The following PUM1 variants were observed in gnomAD, a reference collection of about 807,000 sequenced individuals.
PUM1 encodes pumilio homolog 1.
In PUM1, 13 loss-of-function variants were observed where a neutral mutation model predicts 131.8. The observed-to-expected ratio is 0.10, with a 90% confidence interval of 0.06 to 0.16. The LOEUF is 0.16. PUM1 is among the 10% of genes least tolerant of loss of function. The pLI is 1.00. For synonymous variants in PUM1, 509 were observed against 556.5 expected (o/e 0.91, Z 1.20); for missense variants, 961 against 1,512.4 (o/e 0.64, Z 6.05).
chr1:30,961,346 CA>C (rs11325891), intron 14 of PUM1, among the ~76,000 whole-genome samples: 27,617 of 87,976 alleles, frequency 0.31, 2,774 homozygotes, highest in East Asian at 0.57. Context: ...TTAGTTTCTA[CA>C]AAAAAAAAAA....
chr1:30,956,743 A>G (rs1640181335), intron 14 of PUM1, among the ~76,000 whole-genome samples: 1 of 152,202 alleles, frequency 6.6e-6, no homozygotes, highest in South Asian at 2.1e-4. Context: ...AAAACAATTT[A>G]AAGGGATTTT....
rs750313547 is a variant in PUM1 at position 30,966,305 on chromosome 1, G to C, written c.1790-27C>G. 5.8e-6 allele frequency: 9 copies of C among 1,542,912 alleles called. No individual in the cohort carries two copies. In the African/African-American group the frequency reaches 1.2e-4, roughly 21 times the overall value. On this transcript the variant is annotated intron_variant, in intron 12 of 21. Coordinates refer to ENST00000426105, the MANE Select transcript of PUM1 (RefSeq NM_001020658.2). ...TATGAAGAAGAAAGCAAACCGTTTG[G>C]CTATGAAAGGGACTGGCCACATTTC...
chr1:30,993,159 G>A (rs989036505), intron 6 of PUM1, among the ~76,000 whole-genome samples: 1 of 151,984 alleles, frequency 6.6e-6, no homozygotes, highest in East Asian at 1.9e-4. Flanking sequence ...ACATGTCGTT[G>A]GTATTACTGA....
intron 6 of PUM1, among the ~76,000 whole-genome samples, chr1:30,993,702 T>C (rs1032216691): frequency 6.6e-6 from 1 of 152,086 alleles, no homozygotes; most frequent in African/African-American, 2.4e-5. Flanking sequence ...ATATTCAAGG[T>C]GGAGAGGACA....
Position 30,969,291 on chromosome 1 carries a change from A to G in PUM1, c.1507-799T>C, listed in dbSNP as rs1204531879. ...TTCGCTCCAGCCTGGGAAAAAGAGC[A>G]AAACTCCATTTCAAAACACACACAC... On this transcript the variant is annotated intron_variant, in intron 10 of 21. Coordinates refer to ENST00000426105, the MANE Select transcript of PUM1 (RefSeq NM_001020658.2). 4.0e-5 allele frequency among the ~76,000 whole-genome samples: 6 copies of G among 149,856 alleles called. No individual in the cohort carries two copies. The East Asian group carries it at 1.2e-3, about 29-fold the overall frequency.
rs1181428947 is a variant in PUM1 at position 30,981,678 on chromosome 1, T to TCACACA, written c.1159-274_1159-273insTGTGTG. ...TCCCCTGAACCACAAATACACACTC[T>TCACACA]CTCACACACACACACACACATATGA... On this transcript the variant is annotated intron_variant, in intron 7 of 21. Coordinates refer to ENST00000426105, the MANE Select transcript of PUM1 (RefSeq NM_001020658.2). 1.7e-3 allele frequency among the ~76,000 whole-genome samples: 110 copies of TCACACA among 63,624 alleles called. 3 individuals carry two copies. The South Asian group carries it at 0.073, about 42-fold the overall frequency. The allele number at this position is 63,624 out of a possible 152,430, so 41.7% of individuals were successfully genotyped here.
In PUM1 at chr1:31,058,214, T is replaced by C. The variant is rs1644289919; in HGVS notation, c.363+990A>G. ...ACTTGAGCAGCTGATGTTATCAACT[T>C]CCCCCTACTTTCAACTACAACATCT... On this transcript the variant is annotated intron_variant, in intron 2 of 21. Coordinates refer to ENST00000426105, the MANE Select transcript of PUM1 (RefSeq NM_001020658.2). Among the ~76,000 whole-genome samples, 3 of 152,060 alleles carry C rather than the reference T, an allele frequency of 2.0e-5. No individual in the cohort carries two copies. The South Asian group carries it at 6.2e-4, about 31-fold the overall frequency.
At chr1:31,063,783 TATGCCCTAAGACTTCCTGC>T (rs1644418834) in intron 1 of PUM1, among the ~76,000 whole-genome samples, 1 of 152,180 alleles carries the variant, frequency 6.6e-6, no homozygotes, top group Admixed American at 6.6e-5. Flanking sequence ...AAGCTATCTG[TATGCCCTAAGACTTCCTGC>T]TTTACCTAAA....
Position 30,981,329 on chromosome 1 carries a change from G to A in PUM1, c.1235C>T (p.Ala412Val). The A allele has an allele frequency of 6.3e-7, 1 of 1,597,486 alleles. No individual in the cohort carries two copies. The highest frequency in any genetic ancestry group is 8.6e-7 in the Non-Finnish European group (1 of 1,169,310). The change falls in exon 8 of 22, where the codon GCT becomes GTT. Residue 412 changes from alanine (A) to valine (V), a missense_variant. By Grantham distance (64) the Ala-to-Val change is moderately conservative. Coordinates refer to ENST00000426105, the MANE Select transcript of PUM1 (RefSeq NM_001020658.2). ...GGACTTACCGATGTGCGGCTGATGA[G>A]CAGCTGCCAGTGCATACTGCTGCTG... is the stretch of plus-strand genomic sequence containing the variant. ...AQQQQYALAA[A>V]HQPHIGLAPA...
chr1:30,951,938 C>A (rs546977504), intron 16 of PUM1, among the ~76,000 whole-genome samples: 2 of 152,190 alleles, frequency 1.3e-5, no homozygotes, highest in African/African-American at 4.8e-5. Flanking sequence ...TTAAGTGACA[C>A]GTTTTGTGAA....
intron 9 of PUM1, 194 bp from the exon 10 acceptor site, chr1:30,974,996 T>C: frequency 5.1e-6 from 2 of 395,284 alleles, no homozygotes; most frequent in South Asian, 5.1e-5. Context: ...ACCAGTCTTC[T>C]AATATAATCC....
chr1:30,961,259 T>C (rs1192124156), intron 14 of PUM1, among the ~76,000 whole-genome samples: 1 of 150,478 alleles, frequency 6.6e-6, no homozygotes, highest in Non-Finnish European at 1.5e-5. Context: ...TCTGTAATCC[T>C]AGTGCTTTGA....
chr1:30,941,335 G>C, intron 19 of PUM1, 63 bp from the exon 20 acceptor site: 2 of 1,524,224 alleles, frequency 1.3e-6, no homozygotes, highest in Non-Finnish European at 1.8e-6. Flanking sequence ...GGTTACTTAA[G>C]TCCTTATATC....
chr1:30,958,753 AT>A (rs1338049946), intron 14 of PUM1, among the ~76,000 whole-genome samples: 1 of 152,234 alleles, frequency 6.6e-6, no homozygotes, highest in Non-Finnish European at 1.5e-5. Context: ...TAACCCACAT[AT>A]AAACCACAAA....
intron 20 of PUM1, among the ~76,000 whole-genome samples, chr1:30,939,070 C>T (rs908251506): frequency 6.6e-6 from 1 of 152,092 alleles, no homozygotes; most frequent in Admixed American, 6.6e-5. Context: ...CTGTATAATC[C>T]TTCTTTACTA....
chr1:31,005,631 C>G (rs1642372221), intron 5 of PUM1, among the ~76,000 whole-genome samples: 1 of 152,134 alleles, frequency 6.6e-6, no homozygotes, highest in African/African-American at 2.4e-5. Flanking sequence ...TGTGTCCCCC[C>G]ACCAAAACAT....
intron 2 of PUM1, among the ~76,000 whole-genome samples, chr1:31,057,687 T>G (rs1169301283): frequency 8.1e-6 from 1 of 124,132 alleles, no homozygotes; most frequent in African/African-American, 3.2e-5. Context: ...ATTGTGCCAC[T>G]GCACTCCAGC....
intron 1 of PUM1, 83 bp downstream of exon 1, chr1:31,065,533 C>T: frequency 6.8e-7 from 1 of 1,475,742 alleles, no homozygotes; most frequent in Non-Finnish European, 9.0e-7. Context: ...CCCACAACCA[C>T]TCTCAAACAC....
chr1:31,001,107 C>T (rs1409910175), intron 5 of PUM1, among the ~76,000 whole-genome samples: 4 of 152,124 alleles, frequency 2.6e-5, no homozygotes, highest in Admixed American at 6.5e-5. Context: ...TGGCATGAAC[C>T]CGGGAGGCGG....
Sources: gnomAD v4.1 joint callset for allele counts (sites outside exome capture counted in the v4.1 genomes callset) on GRCh38, gnomAD v4.1.1 for gene constraint, MANE v1.5 for transcripts, NCBI Gene and HGNC (gene_info 2026-07-23, HGNC 2026-07-21) for gene names.